The following RPSA2 variants were observed in gnomAD, a reference collection of about 807,000 sequenced individuals.
RPSA2 encodes the protein small ribosomal subunit protein uS2B.
the RPSA2 span, among the ~76,000 whole-genome samples, chr19:23,797,787 T>A: frequency 1.3e-5 from 2 of 152,208 alleles, no homozygotes; most frequent in Non-Finnish European, 2.9e-5. Flanking sequence ...ACCTTTCTCT[T>A]TTCTGCTTTT....
At chr19:23,806,645 C>G in the RPSA2 span, among the ~76,000 whole-genome samples, 1 of 151,700 alleles carries the variant, frequency 6.6e-6, no homozygotes, top group Admixed American at 6.6e-5. Context: ...ATTAGCCAGG[C>G]ATGGTGGCAC....
the RPSA2 span, among the ~76,000 whole-genome samples, chr19:23,869,198 C>T: frequency 7.9e-5 from 12 of 152,230 alleles, no homozygotes; most frequent in South Asian, 2.1e-4. Flanking sequence ...CTGGCTCCCC[C>T]GGACATAGAA....
chr19:23,781,636 G>A, the RPSA2 span, among the ~76,000 whole-genome samples: 2 of 152,122 alleles, frequency 1.3e-5, no homozygotes, highest in South Asian at 4.1e-4. Context: ...ACCATGCCCA[G>A]CCTAAGGCAC....
the RPSA2 span, among the ~76,000 whole-genome samples, chr19:23,850,338 T>C: frequency 7.0e-6 from 1 of 143,494 alleles, no homozygotes; most frequent in Non-Finnish European, 1.5e-5. Context: ...GTAAGCAAGA[T>C]CCAGTGCTGA....
At chr19:23,824,323 C>T in the RPSA2 span, among the ~76,000 whole-genome samples, 1 of 152,188 alleles carries the variant, frequency 6.6e-6, no homozygotes, top group South Asian at 2.1e-4. Context: ...ACGTCTTACT[C>T]AAGCTCGTCT....
chr19:23,831,835 T>A, the RPSA2 span: 1 of 290,082 alleles, frequency 3.4e-6, no homozygotes, highest in Non-Finnish European at 7.2e-6. Flanking sequence ...AAGTCCTTTA[T>A]AAATTTTTAA....
the RPSA2 span, among the ~76,000 whole-genome samples, chr19:23,867,958 C>T: frequency 6.6e-6 from 1 of 152,032 alleles, no homozygotes; most frequent in African/African-American, 2.4e-5. Flanking sequence ...ATCAATGGCC[C>T]CTAACACAGG....
chr19:23,798,602 T>A, the RPSA2 span, among the ~76,000 whole-genome samples: 2 of 151,818 alleles, frequency 1.3e-5, no homozygotes, highest in Non-Finnish European at 2.9e-5. Context: ...GTTACAGAAA[T>A]TTTTTAAAAA....
chr19:23,783,065 G>T, the RPSA2 span, among the ~76,000 whole-genome samples: 1 of 138,130 alleles, frequency 7.2e-6, no homozygotes, highest in African/African-American at 2.7e-5. Context: ...TCCTGCCTGA[G>T]ATCTGCATGC....
the RPSA2 span, among the ~76,000 whole-genome samples, chr19:23,816,005 T>TC: frequency 1.3e-5 from 2 of 150,688 alleles, no homozygotes; most frequent in South Asian, 2.1e-4. Context: ...GTTTTTTTTT[T>TC]CGCTCTGTGG....
At chr19:23,759,326 T>C in the RPSA2 span, among the ~76,000 whole-genome samples, 1,600 of 152,106 alleles carry the variant, frequency 0.011, 19 homozygotes, top group Non-Finnish European at 0.018. Flanking sequence ...TTGATGCCCG[T>C]CACTCACGCG....
the RPSA2 span, among the ~76,000 whole-genome samples, chr19:23,863,974 G>A: frequency 2.6e-5 from 4 of 152,220 alleles, no homozygotes; most frequent in South Asian, 8.3e-4. Context: ...CTACATCTGG[G>A]GCTGCTTAAG....
At chr19:23,805,651 C>G in the RPSA2 span, among the ~76,000 whole-genome samples, 2 of 152,018 alleles carry the variant, frequency 1.3e-5, no homozygotes, top group Non-Finnish European at 2.9e-5. Context: ...AGAAATAATT[C>G]TAGAGGAGGA....
the RPSA2 span, among the ~76,000 whole-genome samples, chr19:23,796,388 T>A: frequency 6.7e-6 from 1 of 149,246 alleles, no homozygotes; most frequent in Non-Finnish European, 1.5e-5. Context: ...TTGTTGAGGA[T>A]TTTTGCATGA....
At chr19:23,799,820 T>C in the RPSA2 span, among the ~76,000 whole-genome samples, 2 of 152,354 alleles carry the variant, frequency 1.3e-5, no homozygotes, top group East Asian at 1.9e-4. Context: ...TATTTTGTCA[T>C]TGAATATAAC....
chr19:23,828,185 G>A, the RPSA2 span: 1 of 615,162 alleles, frequency 1.6e-6, no homozygotes, highest in African/African-American at 1.9e-5. Flanking sequence ...GACCATATAT[G>A]TGAAAGTTTA....
chr19:23,849,088 G>A, the RPSA2 span, among the ~76,000 whole-genome samples: 1 of 152,176 alleles, frequency 6.6e-6, no homozygotes, highest in Admixed American at 6.5e-5. Flanking sequence ...GAGTCAAAAT[G>A]GGAGTTAATA....
chr19:23,851,430 GT>G, the RPSA2 span, among the ~76,000 whole-genome samples: 7 of 152,126 alleles, frequency 4.6e-5, no homozygotes, highest in African/African-American at 2.4e-5. Flanking sequence ...GCAGCCATGG[GT>G]CCTGGTAAAG....
the RPSA2 span, among the ~76,000 whole-genome samples, chr19:23,806,047 C>CTCTT: frequency 7.9e-6 from 1 of 126,386 alleles, no homozygotes; most frequent in South Asian, 2.5e-4. Context: ...TTCTTTCTTT[C>CTCTT]TTTTTTTTTT....
Sources: gnomAD v4.1 joint callset for allele counts (sites outside exome capture counted in the v4.1 genomes callset) on GRCh38, gnomAD v4.1.1 for gene constraint, MANE v1.5 for transcripts, NCBI Gene and HGNC (gene_info 2026-07-23, HGNC 2026-07-21) for gene names.